Variants in NAMPT observed in about 807,000 individuals in gnomAD.
NAMPT encodes NAmPRTase.
NAMPT carries 7 observed loss-of-function variants against 58.7 expected under a neutral mutation model. That is an observed-to-expected ratio of 0.12 (90% confidence interval 0.07 to 0.22). The LOEUF (loss-of-function observed/expected upper bound fraction) is 0.22, where lower values mean the gene tolerates loss of function less well. Ranked by LOEUF, NAMPT falls within the 10% of genes least tolerant of loss-of-function variation. The pLI, the probability that NAMPT is intolerant of heterozygous loss-of-function variation, is 1.00. For synonymous variants in NAMPT, 145 were observed against 198.1 expected, an observed-to-expected ratio of 0.73 and a Z score of 2.25; for missense variants, 271 against 567.9, an observed-to-expected ratio of 0.48 and a Z score of 5.31.
At chr7:106,261,987 A>T (rs1215356781) in intron 7 of NAMPT, among the ~76,000 whole-genome samples, 1 of 152,058 alleles carries the variant, frequency 6.6e-6, no homozygotes, top group African/African-American at 2.4e-5. Context: ...AATTATATGG[A>T]TTCAAGGAAA....
At chr7:106,253,984 C>A (rs1158620175) in intron 9 of NAMPT, among the ~76,000 whole-genome samples, 1 of 152,100 alleles carries the variant, frequency 6.6e-6, no homozygotes, top group African/African-American at 2.4e-5. Flanking sequence ...TCATATTCTA[C>A]CTTCCTGTAA....
intron 8 of NAMPT, among the ~76,000 whole-genome samples, chr7:106,256,914 G>A (rs995950360): frequency 6.6e-6 from 1 of 152,026 alleles, no homozygotes; most frequent in Admixed American, 6.6e-5. Flanking sequence ...AATGGCTCAC[G>A]CCTGTAATCC....
chr7:106,256,751 A>G (rs57463420), intron 8 of NAMPT, among the ~76,000 whole-genome samples: 1,591 of 152,368 alleles, frequency 0.01, 33 homozygotes, highest in African/African-American at 0.036. Context: ...CTAGTAGGTT[A>G]GGTATAATAA....
chr7:106,256,741 C>G (rs778786689), intron 8 of NAMPT, among the ~76,000 whole-genome samples: 3 of 152,158 alleles, frequency 2.0e-5, no homozygotes, highest in Non-Finnish European at 4.4e-5. Flanking sequence ...ACTACGAGGT[C>G]TAGTAGGTTA....
rs563435444 is a variant in NAMPT, at chr7:106,280,940, C to CA, written c.58-3762dup. ...TGGGCAACAGAGCAACACTCCGTCT[C>CA]AAAAAAAAAACAAACATAAGCACAA... is the stretch of plus-strand genomic sequence containing the variant. On this transcript the variant is annotated intron_variant, in intron 1 of 10. Coordinates refer to ENST00000222553, the MANE Select transcript of NAMPT (RefSeq NM_005746.3). Among the ~76,000 whole-genome samples, 435 of 140,210 alleles carry CA rather than the reference C, an allele frequency of 3.1e-3. 3 individuals are homozygous for CA. The highest frequency in any genetic ancestry group is 0.017 in the South Asian group (75 of 4,412). 92.0% of individuals were successfully genotyped at this position (140,210 alleles called of 152,430 possible).
At chr7:106,281,873 A>G (rs1351067064) in intron 1 of NAMPT, among the ~76,000 whole-genome samples, 1 of 152,164 alleles carries the variant, frequency 6.6e-6, no homozygotes, top group Non-Finnish European at 1.5e-5. Context: ...CCACACCTTT[A>G]AACCAGATTT....
chr7:106,284,731 AG>A, intron 1 of NAMPT, 96 bp downstream of exon 1: 2 of 61,070 alleles, frequency 3.3e-5, no homozygotes, highest in Non-Finnish European at 5.6e-5. Context: ...CCCCAGCCCC[AG>A]CCCCAACCCC....
At chr7:106,262,642 T>C (rs1792327001) in intron 7 of NAMPT, among the ~76,000 whole-genome samples, 1 of 151,524 alleles carries the variant, frequency 6.6e-6, no homozygotes, top group South Asian at 2.1e-4. Flanking sequence ...TGTGGTCAAG[T>C]AGCAAGGCTG....
chr7:106,285,158 C>G, upstream of NAMPT: 1 of 1,250,832 alleles, frequency 8.0e-7, no homozygotes, highest in Non-Finnish European at 1.0e-6. Flanking sequence ...ACCCCGTCAC[C>G]CTCCGGGGGC....
At chr7:106,265,292 C>A (rs1020653410) in intron 6 of NAMPT, among the ~76,000 whole-genome samples, 3 of 152,094 alleles carry the variant, frequency 2.0e-5, no homozygotes, top group South Asian at 2.1e-4. Flanking sequence ...AGTCACCTAA[C>A]GATCTACTTG....
chr7:106,285,065 C>G, upstream of NAMPT: 2 of 1,356,436 alleles, frequency 1.5e-6, no homozygotes, highest in Non-Finnish European at 1.9e-6. Context: ...AGCCGTGACG[C>G]GGCGCGGGTG....
At chr7:106,283,547 T>C (rs1024756440) in intron 1 of NAMPT, among the ~76,000 whole-genome samples, 5 of 152,194 alleles carry the variant, frequency 3.3e-5, no homozygotes, top group Admixed American at 3.3e-4. Flanking sequence ...GAAAACACTA[T>C]GATTGAACCA....
chr7:106,268,788 T>TA (rs1792475983), intron 5 of NAMPT, among the ~76,000 whole-genome samples, 188 bp from the exon 6 acceptor site: 1 of 152,162 alleles, frequency 6.6e-6, no homozygotes, highest in African/African-American at 2.4e-5. Context: ...CTAAATATTT[T>TA]AAAAAATCAA....
intron 9 of NAMPT, among the ~76,000 whole-genome samples, chr7:106,253,956 G>T (rs528840131): frequency 6.6e-6 from 1 of 152,118 alleles, no homozygotes; most frequent in African/African-American, 2.4e-5. Flanking sequence ...ACATGACTGT[G>T]GTATAACAAT....
At chr7:106,281,976 G>A (rs1477384298) in intron 1 of NAMPT, among the ~76,000 whole-genome samples, 1 of 151,884 alleles carries the variant, frequency 6.6e-6, no homozygotes, top group Non-Finnish European at 1.5e-5. Context: ...TTTTATTTAT[G>A]GTGCTCAAGT....
At chr7:106,276,403 G>A (rs1792643914) in intron 2 of NAMPT, 1 of 152,110 alleles carries the variant, frequency 6.6e-6, no homozygotes, top group South Asian at 2.1e-4. Context: ...AGGTAAAACT[G>A]GCTAATATAA....
intron 1 of NAMPT, among the ~76,000 whole-genome samples, chr7:106,279,593 C>G (rs1792720682): frequency 6.6e-6 from 1 of 152,126 alleles, no homozygotes; most frequent in Non-Finnish European, 1.5e-5. Context: ...TGAACCTTCA[C>G]CAGAAAATTG....
upstream of NAMPT, chr7:106,285,290 A>T (rs70937089): frequency 3.4e-5 from 24 of 699,216 alleles, 1 homozygote; most frequent in East Asian, 2.3e-3. Flanking sequence ...GCAGCGGGGC[A>T]GCCCCGGCGC....
intron 1 of NAMPT, among the ~76,000 whole-genome samples, chr7:106,283,366 C>A (rs537068907): frequency 5.9e-4 from 90 of 152,040 alleles, no homozygotes; most frequent in African/African-American, 2.1e-3. Context: ...AGAGGAACTG[C>A]AAACTAAAGG....
Sources: allele counts gnomAD v4.1 joint callset (sites outside exome capture counted in the v4.1 genomes callset), GRCh38; gene constraint gnomAD v4.1.1; transcripts MANE v1.5; gene names NCBI Gene and HGNC (gene_info 2026-07-23, HGNC 2026-07-21).